The following FREM1 variants were observed in gnomAD, a reference collection of about 807,000 sequenced individuals.
FREM1 encodes the protein FRAS1 related extracellular matrix 1, also known as FRAS1-related extracellular matrix protein 1.
In FREM1, 220 loss-of-function variants were observed where a neutral mutation model predicts 210.1. That is an observed-to-expected ratio of 1.05 (90% CI 0.94 to 1.17). The LOEUF (loss-of-function observed/expected upper bound fraction) is 1.17. Among genes scored for constraint, FREM1 ranks in the 50% most tolerant of loss-of-function variants. FREM1 has a pLI of 0.00. For missense variants in FREM1, 3,454 were observed against 2,675.5 expected, an observed-to-expected ratio of 1.29 and a Z score of -6.42; for synonymous variants, 1,189 against 980.2, an observed-to-expected ratio of 1.21 and a Z score of -3.98.
At chr9:14,832,776 G>T (rs1450667949) in intron 10 of FREM1, among the ~76,000 whole-genome samples, 1 of 152,080 alleles carries the variant, frequency 6.6e-6, no homozygotes, top group African/African-American at 2.4e-5. Context: ...TGAAAAAGGG[G>T]TAATAAGGAT....
At position 14,813,083 on chromosome 9, in the gene FREM1, G is replaced by A. The variant is rs143305114; in HGVS notation, c.2641-19C>T. Reference sequence around the variant, plus strand: ...GGAATACCTAGGCAATGGAAAAAATGCATGTTTTCAGAAAAAGAAAGAAAT... The same window carrying A: ...GGAATACCTAGGCAATGGAAAAAATACATGTTTTCAGAAAAAGAAAGAAAT... On this transcript the variant is annotated intron_variant, in intron 15 of 36. Transcript: ENST00000380880. The A allele has an allele frequency of 6.3e-7, 1 of 1,583,680 alleles. No individual in the cohort carries two copies. Among genetic ancestry groups the A allele is most frequent in the Non-Finnish European group, 8.6e-7 (1 of 1,161,172 alleles).
intron 25 of FREM1, among the ~76,000 whole-genome samples, chr9:14,771,526 C>G (rs1444363651): frequency 6.6e-6 from 1 of 152,142 alleles, no homozygotes; most frequent in Admixed American, 6.5e-5. Flanking sequence ...CTCGTTCAGT[C>G]TGTACGGAGC....
At chr9:14,755,136 C>G (rs1310081621) in intron 29 of FREM1, among the ~76,000 whole-genome samples, 3 of 152,186 alleles carry the variant, frequency 2.0e-5, no homozygotes, top group African/African-American at 7.2e-5. Flanking sequence ...TCTTGGGCCT[C>G]TAGCCTCCAG....
intron 3 of FREM1, among the ~76,000 whole-genome samples, chr9:14,860,535 A>G (rs1185296876): frequency 1.5e-5 from 2 of 133,354 alleles, no homozygotes; most frequent in African/African-American, 6.4e-5. Flanking sequence ...GTAGGTATGT[A>G]TATATATACA....
chr9:14,750,323 C>A (rs764172862), intron 29 of FREM1, 47 bp from the exon 30 acceptor site: 22 of 1,455,506 alleles, frequency 1.5e-5, no homozygotes, highest in Non-Finnish European at 7.6e-6. Context: ...CTATTTCAAT[C>A]ACCTAGGTGT....
rs544889741 is a variant in FREM1, at chr9:14,769,771, C to T, written c.5157G>A (p.Val1719=). Residue 1719 remains valine, a synonymous_variant, in exon 27 of 37, where the codon GTG becomes GTA. Coordinates refer to ENST00000380880, the MANE Select transcript of FREM1 (RefSeq NM_001379081.2). ...CTGTGGGGTCCATGATTTGAAATTCCACGGTATCTGAATTTACTTCCAAAG... is the reference window on the plus strand; with the variant it reads ...CTGTGGGGTCCATGATTTGAAATTCTACGGTATCTGAATTTACTTCCAAAG... ...NPSLEVNSDT[V]EFQIMDPTGN... The T allele has an allele frequency of 2.0e-5, 32 of 1,610,866 alleles. No individual in the cohort carries two copies. In the Admixed American group the frequency reaches 3.7e-4, roughly 18 times the overall value.
At chr9:14,869,881 A>C (rs1188275210) in intron 1 of FREM1, among the ~76,000 whole-genome samples, 1 of 152,238 alleles carries the variant, frequency 6.6e-6, no homozygotes, top group Non-Finnish European at 1.5e-5. Context: ...TAGCTTCAGC[A>C]CGCACAGCTA....
intron 15 of FREM1, among the ~76,000 whole-genome samples, chr9:14,814,565 A>G (rs368845284): frequency 6.6e-6 from 1 of 152,222 alleles, no homozygotes; most frequent in Admixed American, 6.5e-5. Flanking sequence ...TTAAAAGCCT[A>G]TAATATTCTC....
At chr9:14,829,769 C>T (rs10756618) in intron 10 of FREM1, among the ~76,000 whole-genome samples, 29,430 of 152,194 alleles carry the variant, frequency 0.19, 3,463 homozygotes, top group Non-Finnish European at 0.26. Flanking sequence ...ACTAAGACAG[C>T]TTCACTCACT....
At chr9:14,804,897 A>C in intron 19 of FREM1, 59 bp downstream of exon 19, 1 of 1,340,502 alleles carries the variant, frequency 7.5e-7, no homozygotes, top group Non-Finnish European at 1.1e-6. Flanking sequence ...AAATGGACTA[A>C]TTGAAAATAA....
intron 16 of FREM1, among the ~76,000 whole-genome samples, chr9:14,809,215 T>C (rs1818942309): frequency 6.6e-6 from 1 of 152,218 alleles, no homozygotes; most frequent in Admixed American, 6.5e-5. Flanking sequence ...TTGCTCCTCC[T>C]TGCCTTCTGC....
intron 27 of FREM1, among the ~76,000 whole-genome samples, chr9:14,760,942 G>A (rs1345514530): frequency 6.6e-6 from 1 of 152,120 alleles, no homozygotes; most frequent in Non-Finnish European, 1.5e-5. Context: ...CACCTCCATT[G>A]TTTTTTATTC....
intron 25 of FREM1, chr9:14,773,940 A>T (rs145382971): frequency 9.3e-5 from 36 of 386,560 alleles, no homozygotes; most frequent in African/African-American, 6.6e-4. Flanking sequence ...ACTGGTATCA[A>T]CCTAGGTTAG....
At chr9:14,753,978 T>A (rs915472399) in intron 29 of FREM1, among the ~76,000 whole-genome samples, 1 of 152,196 alleles carries the variant, frequency 6.6e-6, no homozygotes, top group Non-Finnish European at 1.5e-5. Context: ...CAAAACAGCA[T>A]GTGAGCTCTT....
chr9:14,809,064 G>T (rs991378981), intron 16 of FREM1, among the ~76,000 whole-genome samples: 1 of 152,184 alleles, frequency 6.6e-6, no homozygotes, highest in Non-Finnish European at 1.5e-5. Context: ...CCCAGTGGGA[G>T]GTGACTGAAT....
At chr9:14,846,359 G>C (rs116600549) in intron 7 of FREM1, among the ~76,000 whole-genome samples, 1 of 152,088 alleles carries the variant, frequency 6.6e-6, no homozygotes, top group East Asian at 1.9e-4. Flanking sequence ...GAGCCTGTTC[G>C]GGGGTAGAGG....
intron 36 of FREM1, among the ~76,000 whole-genome samples, chr9:14,738,511 G>A (rs1052393943): frequency 3.3e-5 from 5 of 152,142 alleles, no homozygotes; most frequent in Non-Finnish European, 2.9e-5. Context: ...GAGTCATTAT[G>A]GATGTAGAGA....
intron 21 of FREM1, among the ~76,000 whole-genome samples, chr9:14,794,101 A>G (rs1851907381): frequency 6.6e-6 from 1 of 152,234 alleles, no homozygotes; most frequent in Non-Finnish European, 1.5e-5. Flanking sequence ...CAGTGTCAGA[A>G]TTCAATGTCT....
At chr9:14,873,372 T>A (rs1588513942) in intron 1 of FREM1, among the ~76,000 whole-genome samples, 1 of 152,208 alleles carries the variant, frequency 6.6e-6, no homozygotes, top group Non-Finnish European at 1.5e-5. Flanking sequence ...ATTCAGAGAT[T>A]CAACTTCTTC....
Sources: gnomAD v4.1 joint callset for allele counts (sites outside exome capture counted in the v4.1 genomes callset) on GRCh38, gnomAD v4.1.1 for gene constraint, MANE v1.5 for transcripts, NCBI Gene and HGNC (gene_info 2026-07-23, HGNC 2026-07-21) for gene names.